Variants in PHACTR1 observed in about 807,000 individuals in gnomAD.
The protein encoded by PHACTR1 is RPEL repeat containing 1.
PHACTR1 carries 16 observed loss-of-function variants against 69.2 expected under a neutral mutation model. That is an observed-to-expected ratio of 0.23 (90% CI 0.16 to 0.35). The LOEUF (loss-of-function observed/expected upper bound fraction) is 0.35. Ranked by LOEUF, PHACTR1 falls within the 10% of genes least tolerant of loss-of-function variation. The pLI, the probability that PHACTR1 is intolerant of heterozygous loss-of-function variation, is 1.00. For synonymous variants in PHACTR1, 312 were observed against 284.5 expected (o/e 1.10, Z -0.97); for missense variants, 510 against 734.7 (o/e 0.69, Z 3.54).
intron 4 of PHACTR1, among the ~76,000 whole-genome samples, chr6:12,821,686 C>T (rs1321004995): frequency 2.6e-5 from 4 of 152,054 alleles, no homozygotes; most frequent in Non-Finnish European, 1.5e-5. Flanking sequence ...TTTTTTAAAA[C>T]GATAATATAT....
At chr6:12,836,361 C>T (rs868173591) in intron 4 of PHACTR1, among the ~76,000 whole-genome samples, 1 of 152,158 alleles carries the variant, frequency 6.6e-6, no homozygotes, top group African/African-American at 2.4e-5. Flanking sequence ...CTTTTGGTGG[C>T]ACCGTTTGGT....
chr6:13,227,860 G>C lies in PHACTR1; in HGVS notation c.1031G>C (p.Gly344Ala). The C allele has an allele frequency of 6.2e-7, 1 of 1,613,964 alleles. No individual in the cohort carries two copies. The highest frequency in any genetic ancestry group is 1.3e-5 in the African/African-American group (1 of 75,028). ...TGTTCCACTTCTTACCACAGCTCTGGGTTGCACTCGGGTGATGGGGTCACC... is the reference window on the plus strand; with the variant it reads ...TGTTCCACTTCTTACCACAGCTCTGCGTTGCACTCGGGTGATGGGGTCACC... The part of the protein sequence containing the change: ...VPCSTSYHSS[G>A]LHSGDGVTKA... Residue 344 changes from glycine (G) to alanine (A), a missense_variant, in exon 9 of 15, where the codon GGG becomes GCG. Gly to Ala is a moderately conservative substitution (Grantham distance 60). This residue lies in a region of PHACTR1 where 419 missense variants were observed against 530.9 expected (regional missense o/e 0.79). Coordinates refer to ENST00000332995, the MANE Select transcript of PHACTR1 (RefSeq NM_030948.6).
At chr6:13,231,463 GGAAGGAAGGAAGGAAA>G (rs1443642999) in intron 10 of PHACTR1, among the ~76,000 whole-genome samples, 1 of 149,182 alleles carries the variant, frequency 6.7e-6, no homozygotes, top group African/African-American at 2.5e-5. Flanking sequence ...AAAGAAGGAA[GGAAGGAAGGAAGGAAA>G]GAAGGAAGGA....
chr6:12,747,051 G>A (rs937335712), intron 3 of PHACTR1, among the ~76,000 whole-genome samples: 2 of 152,152 alleles, frequency 1.3e-5, no homozygotes, highest in Non-Finnish European at 2.9e-5. Context: ...TTCATTTGAT[G>A]AGCCATATAG....
chr6:13,041,339 T>TACACACACACACAC (rs368368056), intron 4 of PHACTR1, among the ~76,000 whole-genome samples: 3,158 of 135,352 alleles, frequency 0.023, 87 homozygotes, highest in East Asian at 0.066. Flanking sequence ...TTAAAATACA[T>TACACACACACACAC]ACACACACAC....
chr6:13,060,093 G>T lies in PHACTR1; in HGVS notation c.415+6564G>T, dbSNP rs151077818. On this transcript the variant is annotated intron_variant, in intron 5 of 14. Coordinates refer to ENST00000332995, the MANE Select transcript of PHACTR1 (RefSeq NM_030948.6). The stretch of plus-strand genomic sequence containing the variant: ...AGGAGGAAAACCAGAAGCCTAAGAT[G>T]TGGTGGACACCAAGAACAGAAGGCA... 2.2e-3 allele frequency among the ~76,000 whole-genome samples: 330 copies of T among 152,318 alleles called. 1 individual carries two copies. Among genetic ancestry groups the T allele is most frequent in the Middle Eastern group, 0.014 (4 of 292 alleles).
At chr6:13,170,238 T>A (rs1214344636) in intron 6 of PHACTR1, among the ~76,000 whole-genome samples, 1 of 152,262 alleles carries the variant, frequency 6.6e-6, no homozygotes, top group African/African-American at 2.4e-5. Context: ...TTTGCGCAGA[T>A]AACCATCAGA....
chr6:13,186,021 C>T (rs1191115338), intron 7 of PHACTR1, among the ~76,000 whole-genome samples: 3 of 152,200 alleles, frequency 2.0e-5, no homozygotes, highest in African/African-American at 7.2e-5. Flanking sequence ...TCACGTGATA[C>T]TGAGTTCTAT....
chr6:12,729,250 C>T (rs1763178947), intron 3 of PHACTR1, among the ~76,000 whole-genome samples: 1 of 152,178 alleles, frequency 6.6e-6, no homozygotes, highest in African/African-American at 2.4e-5. Flanking sequence ...AAATTACTAA[C>T]AAATTCCAAA....
chr6:12,780,133 T>A (rs1311884270), intron 4 of PHACTR1, among the ~76,000 whole-genome samples: 1 of 152,202 alleles, frequency 6.6e-6, no homozygotes, highest in East Asian at 1.9e-4. Flanking sequence ...AACCTGATTA[T>A]ATTTTAGTAT....
chr6:12,935,307 A>C (rs922709483), intron 4 of PHACTR1, among the ~76,000 whole-genome samples: 2 of 152,068 alleles, frequency 1.3e-5, no homozygotes, highest in African/African-American at 4.8e-5. Flanking sequence ...GCAGTAGTAC[A>C]ATCTCGGCTC....
intron 3 of PHACTR1, among the ~76,000 whole-genome samples, chr6:12,729,013 A>G (rs1272751524): frequency 1.1e-4 from 17 of 152,208 alleles, no homozygotes; most frequent in Non-Finnish European, 2.5e-4. Context: ...CACCTGATAC[A>G]TGTTTAATGA....
chr6:13,011,270 C>T (rs1446549120), intron 4 of PHACTR1, among the ~76,000 whole-genome samples: 1 of 152,164 alleles, frequency 6.6e-6, no homozygotes, highest in Admixed American at 6.5e-5. Context: ...GTTAGTGCAA[C>T]TGAGGAAATG....
rs753727956 is a variant in PHACTR1, at chr6:13,024,280, C to T, written c.251-29085C>T. ...CATCCCTCTCTGACAGGCTGGACAT[C>T]TACCAGAATTAGGTTCTTTCTTGGA... is the stretch of plus-strand genomic sequence containing the variant. On this transcript the variant is annotated intron_variant, in intron 4 of 14. Coordinates refer to ENST00000332995, the MANE Select transcript of PHACTR1 (RefSeq NM_030948.6). Among the ~76,000 whole-genome samples, 11 of 152,166 alleles carry T rather than the reference C, an allele frequency of 7.2e-5. 1 individual carries two copies. The highest frequency in any genetic ancestry group is 1.5e-4 in the Non-Finnish European group (10 of 68,036).
intron 5 of PHACTR1, among the ~76,000 whole-genome samples, chr6:13,059,982 C>A (rs4711909): frequency 0.25 from 37,920 of 151,708 alleles, 5,131 homozygotes; most frequent in African/African-American, 0.35. Context: ...GGACAGTCTT[C>A]TAGATGAGGG....
intron 5 of PHACTR1, among the ~76,000 whole-genome samples, chr6:13,065,366 C>T (rs1415998183): frequency 1.3e-5 from 2 of 151,604 alleles, no homozygotes; most frequent in East Asian, 3.9e-4. Flanking sequence ...TGGAGGAAAA[C>T]CAGGAGGGAC....
intron 4 of PHACTR1, chr6:12,933,516 G>A: frequency 6.6e-7 from 1 of 1,514,322 alleles, no homozygotes; most frequent in African/African-American, 1.4e-5. Flanking sequence ...AAACAGATCG[G>A]TTAGAACTGA....
intron 13 of PHACTR1, 55 bp from the exon 14 acceptor site, chr6:13,286,091 G>A: frequency 1.4e-6 from 2 of 1,429,452 alleles, no homozygotes; most frequent in Non-Finnish European, 9.5e-7. Context: ...ACTGAAAGGG[G>A]AGTTTTTTTC....
intron 11 of PHACTR1, among the ~76,000 whole-genome samples, chr6:13,277,362 G>C (rs912720956): frequency 1.3e-5 from 2 of 152,248 alleles, no homozygotes; most frequent in East Asian, 3.9e-4. Flanking sequence ...CCACACTCTG[G>C]CCTCACCCAT....
Sources: allele counts gnomAD v4.1 joint callset (sites outside exome capture counted in the v4.1 genomes callset), GRCh38; gene constraint gnomAD v4.1.1; regional missense constraint gnomAD v4.1.1; transcripts MANE v1.5; gene names NCBI Gene and HGNC (gene_info 2026-07-23, HGNC 2026-07-21).